CORO2B: variants seen among roughly 807,000 people sequenced by gnomAD.
CORO2B encodes the protein coronin-2B.
In CORO2B, 26 loss-of-function variants were observed where a neutral mutation model predicts 58.8. That is an observed-to-expected ratio of 0.44 (90% CI 0.32 to 0.61). CORO2B has a LOEUF of 0.61. CORO2B is among the 20% of genes least tolerant of loss of function. The probability of loss-of-function intolerance (pLI) is 0.04; values close to 1 mark genes in which losing one functional copy is unlikely to be tolerated. For synonymous variants in CORO2B, 242 were observed against 253.8 expected (o/e 0.95, Z 0.44); for missense variants, 460 against 645.1 (o/e 0.71, Z 3.11).
At chr15:68,553,277 A>G in the CORO2B span, among the ~76,000 whole-genome samples, 1 of 152,254 alleles carries the variant, frequency 6.6e-6, no homozygotes, top group East Asian at 1.9e-4. Flanking sequence ...CTGATGTGGC[A>G]AAAGGAACTC....
At chr15:68,537,650 C>T in the CORO2B span, among the ~76,000 whole-genome samples, 6 of 152,174 alleles carry the variant, frequency 3.9e-5, no homozygotes, top group Non-Finnish European at 7.3e-5. Flanking sequence ...CCCTCCCCAC[C>T]GCCTCCCCCA....
In CORO2B at chr15:68,603,414, C is replaced by G. The variant is rs533476129; in HGVS notation, c.15+24137C>G. Reference sequence around the variant, plus strand: ...TAGTGTGAGGCCTGAGACAGAGGAGCCTTCGTGGAGGACAAACTGCAGCAA... The same window carrying G: ...TAGTGTGAGGCCTGAGACAGAGGAGGCTTCGTGGAGGACAAACTGCAGCAA... On this transcript the variant is annotated intron_variant, in intron 1 of 11. Transcript: ENST00000261861. 4.6e-5 allele frequency among the ~76,000 whole-genome samples: 7 copies of G among 152,112 alleles called. No individual in the cohort carries two copies. In the East Asian group the frequency reaches 1.2e-3, roughly 25 times the overall value.
intron 2 of CORO2B, among the ~76,000 whole-genome samples, chr15:68,690,297 C>T (rs1183012121): frequency 6.6e-6 from 1 of 152,170 alleles, no homozygotes; most frequent in Non-Finnish European, 1.5e-5. Flanking sequence ...TGCCTAGAGC[C>T]ACAATCCCTG....
the CORO2B span, among the ~76,000 whole-genome samples, chr15:68,555,953 G>A: frequency 6.6e-6 from 1 of 152,214 alleles, no homozygotes; most frequent in Non-Finnish European, 1.5e-5. Context: ...TGTGGGAGAT[G>A]GTCTGGAACT....
At chr15:68,656,144 A>T in intron 2 of CORO2B, among the ~76,000 whole-genome samples, 1 of 102,812 alleles carries the variant, frequency 9.7e-6, no homozygotes, top group Non-Finnish European at 2.0e-5. Flanking sequence ...ACTGCTGCCC[A>T]CCCCTCCCCC....
At chr15:68,633,514 T>TACACACACACACACACACACACACAC (rs147873341) in intron 1 of CORO2B, among the ~76,000 whole-genome samples, 75 of 144,084 alleles carry the variant, frequency 5.2e-4, no homozygotes, top group African/African-American at 1.8e-3. Flanking sequence ...TACTCCAACA[T>TACACACACACACACACACACACACAC]ACACACACAC....
chr15:68,666,894 G>A (rs750937464), intron 2 of CORO2B, among the ~76,000 whole-genome samples: 20 of 152,294 alleles, frequency 1.3e-4, no homozygotes, highest in African/African-American at 2.6e-4. Flanking sequence ...TGGTATGGCC[G>A]TAGACCAGCC....
At chr15:68,689,368 C>T (rs1429631710) in intron 2 of CORO2B, among the ~76,000 whole-genome samples, 2 of 151,832 alleles carry the variant, frequency 1.3e-5, no homozygotes, top group African/African-American at 4.8e-5. Flanking sequence ...AGCCGACCAT[C>T]TGAACAGTCA....
chr15:68,718,167 C>T (rs1352355137), intron 8 of CORO2B, among the ~76,000 whole-genome samples: 1 of 152,226 alleles, frequency 6.6e-6, no homozygotes, highest in African/African-American at 2.4e-5. Flanking sequence ...GAAACATGGG[C>T]ACACATTGTT....
chr15:68,656,329 C>A (rs976324323), intron 2 of CORO2B, among the ~76,000 whole-genome samples: 1 of 151,960 alleles, frequency 6.6e-6, no homozygotes, highest in South Asian at 2.1e-4. Context: ...TTGTCTCCCC[C>A]CTTTCCATTC....
chr15:68,632,860 G>A (rs897230906), intron 1 of CORO2B, among the ~76,000 whole-genome samples: 2 of 152,254 alleles, frequency 1.3e-5, no homozygotes, highest in African/African-American at 2.4e-5. Context: ...CCTAAGTGCT[G>A]GGATTACAGG....
chr15:68,695,634 A>T (rs1892492734), intron 3 of CORO2B, among the ~76,000 whole-genome samples: 1 of 152,172 alleles, frequency 6.6e-6, no homozygotes, highest in Non-Finnish European at 1.5e-5. Context: ...TGAGGAAAAG[A>T]GCGCCTGTTC....
chr15:68,662,744 G>C (rs1034577156), intron 2 of CORO2B, among the ~76,000 whole-genome samples: 1 of 152,174 alleles, frequency 6.6e-6, no homozygotes, highest in African/African-American at 2.4e-5. Context: ...ACTTAATACT[G>C]TGTCATTAAC....
chr15:68,710,889 G>T lies in CORO2B; in HGVS notation c.483+8G>T. 1.3e-6 allele frequency: 2 copies of T among 1,590,328 alleles called. No individual in the cohort carries two copies. The highest frequency in any genetic ancestry group is 1.7e-6 in the Non-Finnish European group (2 of 1,165,502). On this transcript the variant is annotated splice_region_variant and intron_variant, in intron 4 of 11. Coordinates refer to ENST00000261861, the MANE Select transcript of CORO2B (RefSeq NM_006091.5). This position sits in a 1 kb window ranked among gnomAD's most constrained non-coding sequence, Gnocchi z 4.1. ...GCTGGCTACGACTACAAGGTATGCA[G>T]TGGGCAGGCAGCTGGGTGGAGAGGG... is the stretch of plus-strand genomic sequence containing the variant.
chr15:68,551,694 G>GGC, the CORO2B span, among the ~76,000 whole-genome samples: 6 of 152,182 alleles, frequency 3.9e-5, no homozygotes, highest in Non-Finnish European at 7.3e-5. Flanking sequence ...ACAAAGGCCT[G>GGC]GCGCCTTCTA....
At chr15:68,643,401 A>C (rs1044651368) in intron 1 of CORO2B, among the ~76,000 whole-genome samples, 9 of 152,182 alleles carry the variant, frequency 5.9e-5, no homozygotes, top group African/African-American at 2.2e-4. Context: ...GCAGTGACCC[A>C]CCAGCCTCCC....
chr15:68,521,124 T>C, the CORO2B span, among the ~76,000 whole-genome samples: 2 of 152,248 alleles, frequency 1.3e-5, no homozygotes, highest in African/African-American at 4.8e-5. Flanking sequence ...AGTTCTTTGG[T>C]TGATAAGTTT....
intron 2 of CORO2B, among the ~76,000 whole-genome samples, chr15:68,652,234 G>A (rs1337328746): frequency 1.3e-5 from 2 of 152,228 alleles, no homozygotes; most frequent in Non-Finnish European, 2.9e-5. Flanking sequence ...GTGAAGGCCA[G>A]TGCCTGTTTT....
chr15:68,636,651 T>C (rs1901042128), intron 1 of CORO2B, among the ~76,000 whole-genome samples: 1 of 152,206 alleles, frequency 6.6e-6, no homozygotes, highest in African/African-American at 2.4e-5. Flanking sequence ...AAGAATTCCA[T>C]GTTTGTCAGA....
Sources: allele counts gnomAD v4.1 joint callset (sites outside exome capture counted in the v4.1 genomes callset), GRCh38; gene constraint gnomAD v4.1.1; non-coding constraint Gnocchi (gnomAD v3.1); transcripts MANE v1.5; gene names NCBI Gene and HGNC (gene_info 2026-07-23, HGNC 2026-07-21).